CENPW: variants seen among roughly 807,000 people sequenced by gnomAD.
CENPW encodes cancer-up-regulated gene 2 protein.
In CENPW, 3 loss-of-function variants were observed where a neutral mutation model predicts 11.1. That is an observed-to-expected ratio of 0.27 (90% CI 0.12 to 0.70). The LOEUF (loss-of-function observed/expected upper bound fraction) is 0.70, where lower values mean the gene tolerates loss of function less well. Ranked by LOEUF, CENPW falls within the 30% of genes least tolerant of loss-of-function variation. CENPW has a pLI of 0.77. For synonymous variants in CENPW, 38 were observed against 42.0 expected, an observed-to-expected ratio of 0.91 and a Z score of 0.37; for missense variants, 100 against 105.6, an observed-to-expected ratio of 0.95 and a Z score of 0.23.
chr6:126,435,219 T>C, the CENPW span, among the ~76,000 whole-genome samples: 1 of 151,950 alleles, frequency 6.6e-6, no homozygotes, highest in African/African-American at 2.4e-5. Flanking sequence ...CTCTTTTTAA[T>C]AGTTATTTCT....
At chr6:126,428,677 C>T in the CENPW span, among the ~76,000 whole-genome samples, 8 of 152,190 alleles carry the variant, frequency 5.3e-5, no homozygotes, top group Admixed American at 1.3e-4. Context: ...CTAAAGGCCT[C>T]TTCCTCTTTT....
At chr6:126,375,902 A>T in the CENPW span, among the ~76,000 whole-genome samples, 5 of 152,200 alleles carry the variant, frequency 3.3e-5, no homozygotes, top group East Asian at 5.8e-4. Context: ...TTTATAATTT[A>T]TCCAGCCTAG....
the CENPW span, among the ~76,000 whole-genome samples, chr6:126,461,424 T>C: frequency 6.6e-6 from 1 of 151,854 alleles, no homozygotes; most frequent in African/African-American, 2.4e-5. Flanking sequence ...AAAGAAAATG[T>C]GCTAGCCTTG....
the CENPW span, among the ~76,000 whole-genome samples, chr6:126,396,056 T>G: frequency 2.6e-5 from 4 of 152,056 alleles, no homozygotes; most frequent in Admixed American, 2.0e-4. Context: ...TTTTGCTCAC[T>G]CAAGAATCTA....
chr6:126,466,065 C>T, the CENPW span, among the ~76,000 whole-genome samples: 1 of 151,958 alleles, frequency 6.6e-6, no homozygotes, highest in Non-Finnish European at 1.5e-5. Context: ...TTAAAGATGG[C>T]AATAGTATTC....
chr6:126,380,756 T>C, the CENPW span, among the ~76,000 whole-genome samples: 1 of 152,242 alleles, frequency 6.6e-6, no homozygotes, highest in African/African-American at 2.4e-5. Flanking sequence ...ACAGACATGA[T>C]ACCTGCATCA....
the CENPW span, among the ~76,000 whole-genome samples, chr6:126,371,218 G>C: frequency 6.6e-6 from 1 of 152,180 alleles, no homozygotes; most frequent in African/African-American, 2.4e-5. Context: ...TATGCTGGCT[G>C]TGGGTTTGTC....
At chr6:126,464,182 A>T in the CENPW span, among the ~76,000 whole-genome samples, 1 of 152,134 alleles carries the variant, frequency 6.6e-6, no homozygotes, top group African/African-American at 2.4e-5. Flanking sequence ...AACAATCAGT[A>T]CAACTCTCCA....
At chr6:126,415,153 AG>A in the CENPW span, among the ~76,000 whole-genome samples, 1 of 151,820 alleles carries the variant, frequency 6.6e-6, no homozygotes, top group East Asian at 1.9e-4. Context: ...GTGTAACTCA[AG>A]GGGGTGTAAG....
At chr6:126,367,612 G>T in the CENPW span, among the ~76,000 whole-genome samples, 3 of 152,160 alleles carry the variant, frequency 2.0e-5, no homozygotes, top group Non-Finnish European at 4.4e-5. Flanking sequence ...AGACTGTCAG[G>T]AAGACTTCCA....
At chr6:126,388,287 ATATGGCT>A in the CENPW span, among the ~76,000 whole-genome samples, 1 of 151,994 alleles carries the variant, frequency 6.6e-6, no homozygotes, top group African/African-American at 2.4e-5. Context: ...GATGCCAAAC[ATATGGCT>A]TTTGGCCGTG....
intron 2 of CENPW, among the ~76,000 whole-genome samples, chr6:126,347,097 A>G (rs1157059136): frequency 2.0e-5 from 3 of 152,158 alleles, no homozygotes; most frequent in African/African-American, 4.8e-5. Flanking sequence ...TCAAGGCCCT[A>G]CCTCAGATGC....
the CENPW span, among the ~76,000 whole-genome samples, chr6:126,454,716 C>A: frequency 6.6e-6 from 1 of 151,050 alleles, no homozygotes; most frequent in African/African-American, 2.4e-5. Context: ...AAGAAACAAT[C>A]AGAATCAGAG....
chr6:126,474,901 C>T, the CENPW span, among the ~76,000 whole-genome samples: 1 of 151,982 alleles, frequency 6.6e-6, no homozygotes, highest in Non-Finnish European at 1.5e-5. Context: ...TTTTACTTTG[C>T]TACATATGAA....
chr6:126,378,367 T>C, the CENPW span, among the ~76,000 whole-genome samples: 8 of 152,066 alleles, frequency 5.3e-5, no homozygotes, highest in Admixed American at 4.6e-4. Flanking sequence ...GTAATTGTTA[T>C]AGTACCATAA....
chr6:126,434,296 G>T, the CENPW span, among the ~76,000 whole-genome samples: 538 of 152,164 alleles, frequency 3.5e-3, 7 homozygotes, highest in Middle Eastern at 0.01. Flanking sequence ...CAAGAAATCA[G>T]CAGTTAAATG....
the CENPW span, among the ~76,000 whole-genome samples, chr6:126,424,397 G>A: frequency 6.6e-6 from 1 of 151,970 alleles, no homozygotes; most frequent in South Asian, 2.1e-4. Flanking sequence ...TGGAATGTAG[G>A]GATTTAGAGT....
chr6:126,345,492 A>T (rs1435452800), intron 1 of CENPW, among the ~76,000 whole-genome samples: 1 of 152,118 alleles, frequency 6.6e-6, no homozygotes, highest in African/African-American at 2.4e-5. Flanking sequence ...CAAAAATAGT[A>T]CACGGTTTCC....
At chr6:126,380,635 C>T in the CENPW span, among the ~76,000 whole-genome samples, 1 of 152,148 alleles carries the variant, frequency 6.6e-6, no homozygotes, top group South Asian at 2.1e-4. Context: ...TAGCTTATCA[C>T]ATAATGCATA....
Sources: gnomAD v4.1 joint callset for allele counts (sites outside exome capture counted in the v4.1 genomes callset) on GRCh38, gnomAD v4.1.1 for gene constraint, MANE v1.5 for transcripts, NCBI Gene and HGNC (gene_info 2026-07-23, HGNC 2026-07-21) for gene names.